ARMC1: variants seen among roughly 807,000 people sequenced by gnomAD.
The protein encoded by ARMC1 is armadillo repeat-containing protein 1.
A neutral mutation model predicts 31.4 loss-of-function variants in ARMC1; 16 were observed. That is an observed-to-expected ratio of 0.51 (90% CI 0.34 to 0.77). The LOEUF (loss-of-function observed/expected upper bound fraction) is 0.77, where lower values mean the gene tolerates loss of function less well. Ranked by LOEUF, ARMC1 falls within the 30% of genes least tolerant of loss-of-function variation. The pLI is 0.01. For missense variants in ARMC1, 259 were observed against 347.5 expected, an observed-to-expected ratio of 0.75 and a Z score of 2.02; for synonymous variants, 114 against 118.9, an observed-to-expected ratio of 0.96 and a Z score of 0.27.
rs1384595557 is a variant in ARMC1 at position 65,622,360 on chromosome 8, G to A, written c.184-6C>T. On this transcript the variant is annotated splice_region_variant and splice_polypyrimidine_tract_variant and intron_variant, in intron 2 of 6. Coordinates refer to ENST00000276569, the MANE Select transcript of ARMC1 (RefSeq NM_018120.6). ...TCTGCCAAGTATCGAAGAGCCTACA[G>A]CAGAAGAAGTAATAAGTTAATTCGT... 1 of 1,611,446 alleles carries A rather than the reference G, an allele frequency of 6.2e-7. No homozygotes were observed. The highest frequency in any genetic ancestry group is 8.5e-7 in the Non-Finnish European group (1 of 1,178,194).
chr8:65,616,128 G>GT (rs144091986), intron 3 of ARMC1, among the ~76,000 whole-genome samples: 4,832 of 152,264 alleles, frequency 0.032, 278 homozygotes, highest in African/African-American at 0.11. Flanking sequence ...CATAAAAACT[G>GT]TAACAGTAAT....
intron 3 of ARMC1, among the ~76,000 whole-genome samples, chr8:65,621,970 T>C (rs1014196437): frequency 6.6e-6 from 1 of 150,788 alleles, no homozygotes; most frequent in African/African-American, 2.4e-5. Context: ...TGGAATCTTG[T>C]TCTGTCGCCC....
At chr8:65,620,928 C>G (rs781324087) in intron 3 of ARMC1, among the ~76,000 whole-genome samples, 2 of 151,948 alleles carry the variant, frequency 1.3e-5, no homozygotes, top group Non-Finnish European at 2.9e-5. Context: ...GAGACCATGT[C>G]TCTACAAAAT....
In ARMC1 at chr8:65,602,829, T is replaced by G. The variant is rs530890698; in HGVS notation, c.*1565A>C. On this transcript the variant is annotated 3_prime_UTR_variant, in exon 7 of 7. Transcript: ENST00000276569. ...CTGAAAGTTATTGTTGCTTTTTTTG[T>G]TTTTTTTTTTTCAGTTTGTGCGTGT... The G allele has an allele frequency of 2.5e-4, 18 of 71,016 alleles. No individual in the cohort carries two copies. Among genetic ancestry groups the G allele is most frequent in the African/African-American group, 5.4e-4 (13 of 24,156 alleles). 4.4% of individuals were successfully genotyped at this position (71,016 alleles called of 1,614,324 possible). A position where few individuals can be genotyped will look rare whatever the true frequency, so the allele number is the denominator to read the frequency against.
At chr8:65,623,731 T>TC (rs1322831620) in intron 2 of ARMC1, among the ~76,000 whole-genome samples, 1 of 86,818 alleles carries the variant, frequency 1.2e-5, no homozygotes, top group African/African-American at 4.8e-5. Flanking sequence ...AGAACAAGAA[T>TC]TACGGCAGTT....
chr8:65,607,477 C>T (rs1379714035), intron 4 of ARMC1, among the ~76,000 whole-genome samples: 1 of 152,144 alleles, frequency 6.6e-6, no homozygotes, highest in South Asian at 2.1e-4. Flanking sequence ...CAGTGAGAAA[C>T]GAGATTCATA....
Position 65,627,218 on chromosome 8 carries a change from G to A in ARMC1, c.181C>T (p.Leu61Phe). ...TGAAATTACTAAAGGCAACTTACAA[G>A]CAAAGCGGAGTGGACGACTGGAGGG... Reference protein sequence around the residue: ...PNPPVVHSALLALRYLAECRA... With the variant: ...PNPPVVHSALFALRYLAECRA... The change falls in exon 2 of 7, where the codon CTT (leucine) becomes TTT (phenylalanine). Residue 61 changes from leucine to phenylalanine, a missense_variant and splice_region_variant. By Grantham distance (22) the Leu-to-Phe change is conservative. Around this residue, in one of 3 missense-constraint regions of ARMC1, gnomAD observed 163 missense variants for 186.7 expected, o/e 0.87. Transcript: ENST00000276569. The A allele has an allele frequency of 6.5e-7, 1 of 1,548,574 alleles. No individual in the cohort carries two copies. The highest frequency in any genetic ancestry group is 8.7e-7 in the Non-Finnish European group (1 of 1,144,654).
intron 2 of ARMC1, among the ~76,000 whole-genome samples, chr8:65,623,467 G>A (rs1442465973): frequency 3.3e-5 from 5 of 151,146 alleles, no homozygotes; most frequent in Non-Finnish European, 7.4e-5. Context: ...AAATTAGCCG[G>A]GCATGATGGC....
Position 65,613,256 on chromosome 8 carries a change from G to A in ARMC1, c.453C>T (p.Gly151=). ...RAKTVVLHID[G]LDDTSRRNLC... ...TAACAGACCTTACCGTATCATCAAG[G>A]CCATCTATATGCAAAACCACTGTTT... The change falls in exon 4 of 7, where the codon GGC becomes GGT. Residue 151 remains glycine, a synonymous_variant. Coordinates refer to ENST00000276569, the MANE Select transcript of ARMC1 (RefSeq NM_018120.6). The A allele has an allele frequency of 6.2e-7, 1 of 1,604,536 alleles. No homozygotes were observed. The highest frequency in any genetic ancestry group is 2.2e-5 in the East Asian group (1 of 44,534).
intron 4 of ARMC1, among the ~76,000 whole-genome samples, chr8:65,609,187 T>C (rs979689843): frequency 4.0e-5 from 6 of 150,662 alleles, no homozygotes; most frequent in African/African-American, 1.5e-4. Context: ...AGGCTGGTCT[T>C]GAACTCTTGG....
At chr8:65,628,391 A>ATTTTTTTTTTTTT (rs763494218) in intron 1 of ARMC1, among the ~76,000 whole-genome samples, 6 of 78,810 alleles carry the variant, frequency 7.6e-5, no homozygotes, top group Non-Finnish European at 1.2e-4. Flanking sequence ...CGCCCGGCTA[A>ATTTTTTTTTTTTT]TTTTTTTTTT....
At chr8:65,621,942 A>T (rs887447138) in intron 3 of ARMC1, among the ~76,000 whole-genome samples, 5 of 148,054 alleles carry the variant, frequency 3.4e-5, no homozygotes, top group Admixed American at 1.4e-4. Flanking sequence ...TAAAATTGAA[A>T]TTTTTTTTTT....
Position 65,615,672 on chromosome 8 carries a change from A to T in ARMC1, c.276-2239T>A, listed in dbSNP as rs180992395. ...CAGCGAGCCAAGATCCTACGACTGCACGCCAGCCTGGGTGACAGAATGAGG... is the reference window on the plus strand; with the variant it reads ...CAGCGAGCCAAGATCCTACGACTGCTCGCCAGCCTGGGTGACAGAATGAGG... On this transcript the variant is annotated intron_variant, in intron 3 of 6. Transcript: ENST00000276569. Among the ~76,000 whole-genome samples, 7 of 152,256 alleles carry T rather than the reference A, an allele frequency of 4.6e-5. No homozygotes were observed. The East Asian group carries it at 1.3e-3, about 29-fold the overall frequency.
chr8:65,623,572 C>A (rs1265093767), intron 2 of ARMC1, among the ~76,000 whole-genome samples: 3 of 151,818 alleles, frequency 2.0e-5, no homozygotes, highest in South Asian at 2.1e-4. Flanking sequence ...TCACACACTG[C>A]ACTCCAGCCT....
intron 2 of ARMC1, among the ~76,000 whole-genome samples, chr8:65,625,885 A>G (rs1008099392): frequency 2.0e-5 from 3 of 151,448 alleles, no homozygotes; most frequent in Non-Finnish European, 4.4e-5. Context: ...TTTTTTTAAC[A>G]ACTTTTTTTT....
chr8:65,616,988 T>C lies in ARMC1; in HGVS notation c.276-3555A>G, dbSNP rs535174484. Among the ~76,000 whole-genome samples, 174 of 148,810 alleles carry C rather than the reference T, an allele frequency of 1.2e-3. 1 individual carries two copies. Among genetic ancestry groups the C allele is most frequent in the African/African-American group, 4.2e-3 (169 of 40,174 alleles). The stretch of plus-strand genomic sequence containing the variant: ...GCGTCTCCGCCCGGCAGCCGCCCCA[T>C]CCAGGAGGGAGGCGGGGGGCAGCCC... On this transcript the variant is annotated intron_variant, in intron 3 of 6. Coordinates refer to ENST00000276569, the MANE Select transcript of ARMC1 (RefSeq NM_018120.6).
intron 2 of ARMC1, among the ~76,000 whole-genome samples, chr8:65,624,327 T>C (rs13252358): frequency 0.63 from 95,336 of 150,258 alleles, 30,456 homozygotes; most frequent in African/African-American, 0.69. Context: ...GGCGAAACCC[T>C]GTCTCTACTA....
chr8:65,608,237 C>T (rs1259470503), intron 4 of ARMC1, among the ~76,000 whole-genome samples: 3 of 152,108 alleles, frequency 2.0e-5, no homozygotes, highest in Non-Finnish European at 4.4e-5. Context: ...ATTAAAAGTT[C>T]GATTCTGGGC....
At chr8:65,607,891 T>A (rs1484040191) in intron 4 of ARMC1, among the ~76,000 whole-genome samples, 1 of 152,010 alleles carries the variant, frequency 6.6e-6, no homozygotes, top group Admixed American at 6.6e-5. Flanking sequence ...CTTGCTACTA[T>A]CACACTGGTC....
Sources: allele counts gnomAD v4.1 joint callset (sites outside exome capture counted in the v4.1 genomes callset), GRCh38; gene constraint gnomAD v4.1.1; regional missense constraint gnomAD v4.1.1; transcripts MANE v1.5; gene names NCBI Gene and HGNC (gene_info 2026-07-23, HGNC 2026-07-21).